ATRIP: variants seen among roughly 807,000 people sequenced by gnomAD.
The protein encoded by ATRIP is ATR-interacting protein.
A neutral mutation model predicts 78.1 loss-of-function variants in ATRIP; 44 were observed. That is an observed-to-expected ratio of 0.56 (90% CI 0.44 to 0.72). ATRIP has a LOEUF of 0.72. ATRIP is among the 30% of genes least tolerant of loss of function. ATRIP has a pLI of 0.00. For missense variants in ATRIP, 927 were observed against 980.2 expected (o/e 0.95, Z 0.72); for synonymous variants, 388 against 408.9 (o/e 0.95, Z 0.62).
chr3:48,467,334 G>A lies in ATRIP; in HGVS notation c.*1780G>A, dbSNP rs113107733. 1.4e-4 allele frequency: 221 copies of A among 1,614,152 alleles called. No individual in the cohort carries two copies. In the African/African-American group the frequency reaches 2.2e-3, roughly 16 times the overall value. On this transcript the variant is annotated 3_prime_UTR_variant, in exon 13 of 13. Transcript: ENST00000320211. The stretch of plus-strand genomic sequence containing the variant: ...GGTGGATGCTCACGCCAGGCCTTTC[G>A]GCACCATCAGGCCCATGTATGGGGT...
At chr3:48,450,366 A>G in intron 2 of ATRIP, 196 bp downstream of exon 2, 1 of 1,015,580 alleles carries the variant, frequency 9.8e-7, no homozygotes, top group Non-Finnish European at 1.4e-6. Context: ...TGCCAAAGGC[A>G]AGAAGAAAAA....
rs377092175 is a variant in ATRIP, at chr3:48,457,256, C to T, written c.672-3C>T. ...CTTTGCTTTCATAGTTAACTTTTTC[C>T]AGTCCTAGGAAAAACCCTTCTGTGG... On this transcript the variant is annotated splice_region_variant and splice_polypyrimidine_tract_variant and intron_variant, in intron 4 of 12. Coordinates refer to ENST00000320211, the MANE Select transcript of ATRIP (RefSeq NM_130384.3). 6.5e-7 allele frequency: 1 copy of T among 1,539,972 alleles called. No individual in the cohort carries two copies. Among genetic ancestry groups the T allele is most frequent in the Non-Finnish European group, 8.7e-7 (1 of 1,146,112 alleles).
rs371490205 is a variant in ATRIP at position 48,464,821 on chromosome 3, C to A, written c.2056-10C>A. 6.9e-6 allele frequency: 11 copies of A among 1,604,964 alleles called. No individual in the cohort carries two copies. In the Admixed American group the frequency reaches 8.4e-5, roughly 12 times the overall value. ...GCACCAGGCCTCAGTCTGCACCCCC[C>A]CTCTCTCAGGTGGTCAGAGCGCTCA... On this transcript the variant is annotated splice_polypyrimidine_tract_variant and intron_variant, in intron 11 of 12. Transcript: ENST00000320211.
chr3:48,460,706 C>T lies in ATRIP; in HGVS notation c.1652C>T (p.Ala551Val). ...CTTCACCTGTTGGCTTTCTCTTCTGCAGCAACAGGTCACCTTCAAGCCAGT... is the reference window on the plus strand; with the variant it reads ...CTTCACCTGTTGGCTTTCTCTTCTGTAGCAACAGGTCACCTTCAAGCCAGT... ...MLLHLLAFSS[A>V]ATGHLQASVL... Residue 551 changes from alanine (A) to valine (V), a missense_variant, in exon 8 of 13, where the codon GCA becomes GTA. Ala to Val is a moderately conservative substitution (Grantham distance 64). Coordinates refer to ENST00000320211, the MANE Select transcript of ATRIP (RefSeq NM_130384.3). 1 of 1,614,058 alleles carries T rather than the reference C, an allele frequency of 6.2e-7. No individual in the cohort carries two copies. The highest frequency in any genetic ancestry group is 1.6e-4 in the Middle Eastern group (1 of 6,062).
chr3:48,466,252 G>C lies in ATRIP; in HGVS notation c.*698G>C, dbSNP rs550007188. On this transcript the variant is annotated 3_prime_UTR_variant, in exon 13 of 13. Coordinates refer to ENST00000320211, the MANE Select transcript of ATRIP (RefSeq NM_130384.3). ...TTCACTTCCCGCCACTGCTGCCAGC[G>C]AGAGCCGCGGGAGAGTGTGCAGCCG... 2 of 610,902 alleles carry C rather than the reference G, an allele frequency of 3.3e-6. No individual in the cohort carries two copies. Among genetic ancestry groups the C allele is most frequent in the African/African-American group, 3.7e-5 (2 of 54,416 alleles). The allele number at this position is 610,902 out of a possible 1,614,324, so 37.8% of individuals were successfully genotyped here. A position where few individuals can be genotyped will look rare whatever the true frequency, so the allele number is the denominator to read the frequency against.
At chr3:48,457,159 A>T (rs2039973972) in intron 4 of ATRIP, 100 bp from the exon 5 acceptor site, 1 of 1,162,050 alleles carries the variant, frequency 8.6e-7, no homozygotes, top group Non-Finnish European at 1.1e-6. Flanking sequence ...TAAAACACCT[A>T]GACATGAAAA....
At chr3:48,460,059 A>G in intron 7 of ATRIP, 51 bp from the exon 8 acceptor site, 1 of 1,569,038 alleles carries the variant, frequency 6.4e-7, no homozygotes, top group South Asian at 1.2e-5. Flanking sequence ...GGGGCTCTTG[A>G]CCTTATCTCC....
chr3:48,458,817 A>G (rs1560105698), intron 5 of ATRIP, among the ~76,000 whole-genome samples: 1 of 152,174 alleles, frequency 6.6e-6, no homozygotes, highest in Non-Finnish European at 1.5e-5. Flanking sequence ...AACACTTCTG[A>G]GAAACTGTAG....
intron 2 of ATRIP, 183 bp downstream of exon 2, chr3:48,450,353 T>G: frequency 9.8e-7 from 1 of 1,021,070 alleles, no homozygotes; most frequent in East Asian, 3.0e-5. Flanking sequence ...GTGAGATTCC[T>G]AATGCCAAAG....
chr3:48,466,469 C>A lies in ATRIP; in HGVS notation c.*915C>A. ...GTCCCACTAAGGAAACCACCTCACCCTCTCCAACTTCCTGCCTGAAAATGG... is the reference window on the plus strand; with the variant it reads ...GTCCCACTAAGGAAACCACCTCACCATCTCCAACTTCCTGCCTGAAAATGG... On this transcript the variant is annotated 3_prime_UTR_variant, in exon 13 of 13. Coordinates refer to ENST00000320211, the MANE Select transcript of ATRIP (RefSeq NM_130384.3). 1 of 1,613,856 alleles carries A rather than the reference C, an allele frequency of 6.2e-7. No homozygotes were observed. The highest frequency in any genetic ancestry group is 8.5e-7 in the Non-Finnish European group (1 of 1,180,020).
intron 1 of ATRIP, among the ~76,000 whole-genome samples, chr3:48,449,271 G>T (rs1336360037): frequency 6.6e-6 from 1 of 151,746 alleles, no homozygotes; most frequent in South Asian, 2.1e-4. Context: ...AAAATTAGCC[G>T]GGCGTGGTAG....
intron 4 of ATRIP, among the ~76,000 whole-genome samples, chr3:48,455,018 A>G (rs2039921592): frequency 6.6e-6 from 1 of 151,824 alleles, no homozygotes; most frequent in South Asian, 2.1e-4. Context: ...ACACACCACC[A>G]CGCCCAGCTA....
intron 3 of ATRIP, among the ~76,000 whole-genome samples, chr3:48,452,793 A>G (rs757051023): frequency 2.6e-5 from 4 of 152,090 alleles, no homozygotes; most frequent in Non-Finnish European, 5.9e-5. Context: ...GCCAATTGCT[A>G]TAACCAAAAG....
intron 1 of ATRIP, chr3:48,447,481 G>C: frequency 1.0e-6 from 1 of 995,956 alleles, no homozygotes; most frequent in Non-Finnish European, 1.2e-6. Flanking sequence ...GAAGCCCACT[G>C]TCTCCCTTGG....
At chr3:48,448,627 T>G (rs2039749568) in intron 1 of ATRIP, among the ~76,000 whole-genome samples, 1 of 152,280 alleles carries the variant, frequency 6.6e-6, no homozygotes, top group Non-Finnish European at 1.5e-5. Context: ...CTTTGAATTC[T>G]CTCTGCTTCT....
intron 1 of ATRIP, 67 bp downstream of exon 1, chr3:48,447,159 G>A: frequency 7.2e-7 from 1 of 1,382,788 alleles, no homozygotes; most frequent in South Asian, 1.8e-5. Flanking sequence ...CTTGATGGCT[G>A]TGGCTTCGGA....
chr3:48,467,597 G>A lies in ATRIP; in HGVS notation c.*2043G>A. ...GACTATCCCTGGCCACACCTGGGGAGTAGGCCAAGAAGGAAAATCTGACGA... is the reference window on the plus strand; with the variant it reads ...GACTATCCCTGGCCACACCTGGGGAATAGGCCAAGAAGGAAAATCTGACGA... On this transcript the variant is annotated 3_prime_UTR_variant, in exon 13 of 13. Coordinates refer to ENST00000320211, the MANE Select transcript of ATRIP (RefSeq NM_130384.3). The A allele has an allele frequency of 6.2e-7, 1 of 1,610,280 alleles. No homozygotes were observed.
At chr3:48,463,689 AG>A in intron 8 of ATRIP, 55 bp from the exon 9 acceptor site, 3 of 1,605,538 alleles carry the variant, frequency 1.9e-6, no homozygotes, top group Non-Finnish European at 2.6e-6. Flanking sequence ...GTGTGAAGGT[AG>A]GTTATGGAGC....
At position 48,466,940 on chromosome 3, in the gene ATRIP, T is replaced by G. The variant is rs752867591; in HGVS notation, c.*1386T>G. 1 of 1,611,708 alleles carries G rather than the reference T, an allele frequency of 6.2e-7. No individual in the cohort carries two copies. The highest frequency in any genetic ancestry group is 8.5e-7 in the Non-Finnish European group (1 of 1,180,006). On this transcript the variant is annotated 3_prime_UTR_variant, in exon 13 of 13. Coordinates refer to ENST00000320211, the MANE Select transcript of ATRIP (RefSeq NM_130384.3). ...TGAGCACAGCTGTGCTGGCAGCGCATGGGCGTCAATGTTTTGATGACAACC... is the reference window on the plus strand; with the variant it reads ...TGAGCACAGCTGTGCTGGCAGCGCAGGGGCGTCAATGTTTTGATGACAACC...
Sources: gnomAD v4.1 joint callset for allele counts (sites outside exome capture counted in the v4.1 genomes callset) on GRCh38, gnomAD v4.1.1 for gene constraint, MANE v1.5 for transcripts, NCBI Gene and HGNC (gene_info 2026-07-23, HGNC 2026-07-21) for gene names.